The following SYCE2 variants were observed in gnomAD, a reference collection of about 807,000 sequenced individuals.
SYCE2 encodes synaptonemal complex central element protein 2.
Under a neutral mutation model 27.9 loss-of-function variants are expected in SYCE2, and 3 were observed. That is an observed-to-expected ratio of 0.11 (90% CI 0.05 to 0.28). The LOEUF is 0.28. Ranked by LOEUF, SYCE2 falls within the 10% of genes least tolerant of loss-of-function variation. The pLI is 1.00. For missense variants in SYCE2, 207 were observed against 263.5 expected (o/e 0.79, Z 1.48); for synonymous variants, 85 against 100.7 (o/e 0.84, Z 0.93).
chr19:12,916,903 C>T lies in SYCE2; in HGVS notation c.131+1319G>A, dbSNP rs1180393632. Among the ~76,000 whole-genome samples the T allele has an allele frequency of 3.9e-5, 6 of 152,160 alleles. No individual in the cohort carries two copies. The East Asian group carries it at 9.7e-4, about 25-fold the overall frequency. On this transcript the variant is annotated intron_variant, in intron 2 of 5. Coordinates refer to ENST00000293695, the MANE Select transcript of SYCE2 (RefSeq NM_001105578.2). Reference sequence around the variant, plus strand: ...TAGCCAGGACTACATGCATGCACCACCACGCCTGGCTGATTTTTGTGTTTT... The same window carrying T: ...TAGCCAGGACTACATGCATGCACCATCACGCCTGGCTGATTTTTGTGTTTT...
chr19:12,918,335 C>T lies in SYCE2; in HGVS notation c.18G>A (p.Val6=). 1 of 1,613,972 alleles carries T rather than the reference C, an allele frequency of 6.2e-7. No individual in the cohort carries two copies. The highest frequency in any genetic ancestry group is 8.5e-7 in the Non-Finnish European group (1 of 1,179,826). ...CTTTGCATTTCACATGGGGCACGTC[C>T]ACCTGCAAGCACAGTCAGGACGGAG... MERQG[V]DVPHVKCKDQ... The change falls in exon 2 of 6, where the codon GTG becomes GTA. Residue 6 remains valine (V), a splice_region_variant and synonymous_variant. Transcript: ENST00000293695.
chr19:12,910,117 A>G (rs1283557611), intron 2 of SYCE2, among the ~76,000 whole-genome samples: 2 of 151,308 alleles, frequency 1.3e-5, no homozygotes, highest in African/African-American at 2.4e-5. Context: ...TACCTGCCTC[A>G]GCCTCCCAAA....
At chr19:12,905,314 C>T (rs1439547402) in intron 2 of SYCE2, among the ~76,000 whole-genome samples, 1 of 152,032 alleles carries the variant, frequency 6.6e-6, no homozygotes, top group Admixed American at 6.6e-5. Context: ...TTTGGAATAC[C>T]AATAATAGTG....
At chr19:12,900,782 G>A in intron 3 of SYCE2, 134 bp from the exon 4 acceptor site, 1 of 835,232 alleles carries the variant, frequency 1.2e-6, no homozygotes, top group East Asian at 2.6e-5. Flanking sequence ...GGTGGCTCAT[G>A]CCTGTAACCC....
intron 2 of SYCE2, among the ~76,000 whole-genome samples, chr19:12,908,355 C>T (rs1160398998): frequency 5.4e-5 from 8 of 148,182 alleles, no homozygotes; most frequent in Non-Finnish European, 7.4e-5. Flanking sequence ...GACAGAGTCT[C>T]GCTCTGTCAC....
intron 2 of SYCE2, chr19:12,906,105 C>G (rs1304615371): frequency 6.6e-6 from 1 of 151,160 alleles, no homozygotes; most frequent in Admixed American, 6.6e-5. Context: ...ATCCTCCTGC[C>G]TCGGCCTCCA....
intron 2 of SYCE2, among the ~76,000 whole-genome samples, chr19:12,911,565 C>G (rs1971044556): frequency 6.6e-6 from 1 of 150,450 alleles, no homozygotes; most frequent in Admixed American, 6.6e-5. Flanking sequence ...TCAGCCTCCC[C>G]TGTAGCTGGG....
chr19:12,918,119 G>GAA, intron 2 of SYCE2, 103 bp downstream of exon 2: 1 of 952,680 alleles, frequency 1.0e-6, no homozygotes, highest in Non-Finnish European at 1.6e-6. Flanking sequence ...TGTTAGGAGG[G>GAA]AAAAAAAAAG....
At chr19:12,905,157 T>G (rs2079994758) in intron 2 of SYCE2, among the ~76,000 whole-genome samples, 1 of 151,978 alleles carries the variant, frequency 6.6e-6, no homozygotes, top group African/African-American at 2.4e-5. Context: ...ACACACGCCC[T>G]GAATGATGAG....
At chr19:12,907,027 A>AT (rs1393765912) in intron 2 of SYCE2, among the ~76,000 whole-genome samples, 20 of 152,136 alleles carry the variant, frequency 1.3e-4, no homozygotes, top group African/African-American at 4.3e-4. Flanking sequence ...ATTAAGATAT[A>AT]TTTTTTCTTC....
chr19:12,916,360 G>A (rs577260156), intron 2 of SYCE2, among the ~76,000 whole-genome samples: 6 of 152,184 alleles, frequency 3.9e-5, no homozygotes, highest in East Asian at 3.9e-4. Flanking sequence ...GAGCCACTGC[G>A]CCCGGCCAAC....
chr19:12,919,263 A>C lies in SYCE2; in HGVS notation c.-6T>G. On this transcript the variant is annotated 5_prime_UTR_variant, in exon 1 of 6. Coordinates refer to ENST00000293695, the MANE Select transcript of SYCE2 (RefSeq NM_001105578.2). Reference sequence around the variant, plus strand: ...CGTACTCCCTGTCGCTCCATTCCGTATTTTCCCGCCTTCAAGCTCGCACCC... The same window carrying C: ...CGTACTCCCTGTCGCTCCATTCCGTCTTTTCCCGCCTTCAAGCTCGCACCC... 6.2e-7 allele frequency: 1 copy of C among 1,610,784 alleles called. No individual in the cohort carries two copies. The highest frequency in any genetic ancestry group is 8.5e-7 in the Non-Finnish European group (1 of 1,179,932).
chr19:12,912,777 TAA>T (rs879686030), intron 2 of SYCE2, among the ~76,000 whole-genome samples: 7 of 139,610 alleles, frequency 5.0e-5, no homozygotes, highest in Admixed American at 7.2e-5. Flanking sequence ...AAGCAAACAG[TAA>T]AAAAAAAAAA....
intron 2 of SYCE2, among the ~76,000 whole-genome samples, chr19:12,907,412 G>A (rs1293821547): frequency 6.6e-6 from 1 of 152,176 alleles, no homozygotes; most frequent in Non-Finnish European, 1.5e-5. Flanking sequence ...GCTCTGAAAG[G>A]CCAAGCCTTG....
At position 12,914,685 on chromosome 19, in the gene SYCE2, G is replaced by A. The variant is rs557854838; in HGVS notation, c.131+3537C>T. ...AGTGCAATGGTGCAATCTTGGCTCA[G>A]TGCAACCTCTGCCTCCCAGGTTCAA... On this transcript the variant is annotated intron_variant, in intron 2 of 5. Coordinates refer to ENST00000293695, the MANE Select transcript of SYCE2 (RefSeq NM_001105578.2). Among the ~76,000 whole-genome samples the A allele has an allele frequency of 4.7e-4, 71 of 152,222 alleles. 1 individual carries two copies. Among genetic ancestry groups the A allele is most frequent in the African/African-American group, 1.4e-3 (59 of 41,520 alleles).
chr19:12,904,814 A>G lies in SYCE2; in HGVS notation c.132-148T>C, dbSNP rs1287028999. On this transcript the variant is annotated intron_variant, in intron 2 of 5. Coordinates refer to ENST00000293695, the MANE Select transcript of SYCE2 (RefSeq NM_001105578.2). Reference sequence around the variant, plus strand: ...AGGAGTTCGAGACCAGCCTGGCAACATGGTGAAACCTCGTCTCTAGTAAAA... The same window carrying G: ...AGGAGTTCGAGACCAGCCTGGCAACGTGGTGAAACCTCGTCTCTAGTAAAA... 4.7e-6 allele frequency: 4 copies of G among 856,348 alleles called. No homozygotes were observed. In the East Asian group the frequency reaches 1.1e-4, roughly 23 times the overall value. The allele number at this position is 856,348 out of a possible 1,614,324, so 53.0% of individuals were successfully genotyped here. A position where few individuals can be genotyped will look rare whatever the true frequency, so the allele number is the denominator to read the frequency against.
At chr19:12,900,197 A>G (rs1970806924) in intron 4 of SYCE2, 77 bp from the exon 5 acceptor site, 1 of 1,495,976 alleles carries the variant, frequency 6.7e-7, no homozygotes, top group Non-Finnish European at 9.0e-7. Context: ...TCTGAGTGGC[A>G]GGGGTGCAAG....
intron 2 of SYCE2, among the ~76,000 whole-genome samples, chr19:12,911,691 C>T (rs537361260): frequency 1.4e-5 from 2 of 147,626 alleles, no homozygotes; most frequent in African/African-American, 5.0e-5. Context: ...GATCTCGGCT[C>T]ACTGCAACCA....
At chr19:12,907,919 C>G (rs1449160419) in intron 2 of SYCE2, among the ~76,000 whole-genome samples, 2 of 152,202 alleles carry the variant, frequency 1.3e-5, no homozygotes, top group African/African-American at 4.8e-5. Context: ...TGAGACCAGC[C>G]TGGGCAACAT....
Sources: gnomAD v4.1 joint callset for allele counts (sites outside exome capture counted in the v4.1 genomes callset) on GRCh38, gnomAD v4.1.1 for gene constraint, MANE v1.5 for transcripts, NCBI Gene and HGNC (gene_info 2026-07-23, HGNC 2026-07-21) for gene names.